The following ITCH variants were observed in gnomAD, a reference collection of about 807,000 sequenced individuals.
The protein encoded by ITCH is itchy E3 ubiquitin protein ligase, also known as E3 ubiquitin-protein ligase Itchy homolog.
In ITCH, 28 loss-of-function variants were observed where a neutral mutation model predicts 126.8. That is an observed-to-expected ratio of 0.22 (90% CI 0.16 to 0.30). ITCH has a LOEUF of 0.30. Ranked by LOEUF, ITCH falls within the 10% of genes least tolerant of loss-of-function variation. The pLI, the probability that ITCH is intolerant of heterozygous loss-of-function variation, is 1.00. For missense variants in ITCH, 631 were observed against 1,032.4 expected, an observed-to-expected ratio of 0.61 and a Z score of 5.33; for synonymous variants, 342 against 340.0, an observed-to-expected ratio of 1.01 and a Z score of -0.06.
At chr20:34,442,002 A>G in intron 9 of ITCH, 1 of 589,626 alleles carries the variant, frequency 1.7e-6, no homozygotes, top group South Asian at 1.9e-5. Flanking sequence ...ATACTTGCAT[A>G]GAAGAAATTG....
At chr20:34,374,463 TCTGC>T (rs2037758902) in intron 2 of ITCH, among the ~76,000 whole-genome samples, 1 of 152,204 alleles carries the variant, frequency 6.6e-6, no homozygotes, top group Non-Finnish European at 1.5e-5. Flanking sequence ...ATTATGTGTT[TCTGC>T]TTGAACAAGA....
chr20:34,482,910 C>G (rs1015606342), intron 20 of ITCH, among the ~76,000 whole-genome samples: 1 of 152,166 alleles, frequency 6.6e-6, no homozygotes, highest in African/African-American at 2.4e-5. Flanking sequence ...CTTCTGAAAT[C>G]TAGAGGGAGG....
rs1978680779 is a variant in ITCH at position 34,510,530 on chromosome 20, T to C, written c.*2736T>C. ...ATGAGCAATTGCCTTATTGTTCTGC[T>C]CTTTTGCAGGGGGTGGGGGTTGGGG... On this transcript the variant is annotated 3_prime_UTR_variant, in exon 25 of 25. Coordinates refer to ENST00000374864, the MANE Select transcript of ITCH (RefSeq NM_031483.7). 6.7e-6 allele frequency: 1 copy of C among 148,936 alleles called. No individual in the cohort carries two copies. The highest frequency in any genetic ancestry group is 2.0e-4 in the East Asian group (1 of 5,000). The allele number at this position is 148,936 out of a possible 1,614,324, so 9.2% of individuals were successfully genotyped here.
intron 6 of ITCH, among the ~76,000 whole-genome samples, chr20:34,415,171 T>G (rs1336628266): frequency 6.6e-6 from 1 of 152,244 alleles, no homozygotes; most frequent in Non-Finnish European, 1.5e-5. Flanking sequence ...ACTTAGGAAC[T>G]GCATTATGAA....
intron 2 of ITCH, among the ~76,000 whole-genome samples, chr20:34,385,105 C>G (rs1438495132): frequency 2.6e-5 from 4 of 151,570 alleles, no homozygotes; most frequent in Non-Finnish European, 5.9e-5. Context: ...ACCTCTGCCT[C>G]TGAGATTCAA....
chr20:34,384,276 A>G (rs2038185337), intron 2 of ITCH: 1 of 85,274 alleles, frequency 1.2e-5, no homozygotes, highest in African/African-American at 4.6e-5. Flanking sequence ...GAGGCCTGTA[A>G]TTCTTTTTTT....
At chr20:34,468,748 G>A (rs780957868) in intron 14 of ITCH, among the ~76,000 whole-genome samples, 5 of 150,506 alleles carry the variant, frequency 3.3e-5, no homozygotes, top group Admixed American at 6.6e-5. Context: ...CAGAGATTGC[G>A]CCACTGCACT....
chr20:34,398,184 T>G (rs2038743180), intron 3 of ITCH, among the ~76,000 whole-genome samples: 1 of 151,958 alleles, frequency 6.6e-6, no homozygotes, highest in Non-Finnish European at 1.5e-5. Flanking sequence ...CACCTCAGCC[T>G]CCTGAGTAGC....
intron 12 of ITCH, among the ~76,000 whole-genome samples, chr20:34,449,861 A>G (rs1268508692): frequency 1.3e-5 from 2 of 152,182 alleles, no homozygotes; most frequent in East Asian, 3.8e-4. Context: ...CAATTCATAT[A>G]ACATTCTCAA....
intron 23 of ITCH, among the ~76,000 whole-genome samples, chr20:34,499,276 T>C (rs1990095620): frequency 8.3e-6 from 1 of 120,096 alleles, no homozygotes; most frequent in African/African-American, 3.5e-5. Flanking sequence ...GCCCAGCTTT[T>C]TTTTTTTTTT....
chr20:34,454,396 C>T (rs1233724886), intron 12 of ITCH: 1 of 152,090 alleles, frequency 6.6e-6, no homozygotes, highest in East Asian at 1.9e-4. Context: ...CTCGGCCTCC[C>T]AAAGTGCTGG....
chr20:34,382,583 T>C (rs536885313), intron 2 of ITCH, among the ~76,000 whole-genome samples: 12 of 152,038 alleles, frequency 7.9e-5, no homozygotes, highest in African/African-American at 2.9e-4. Context: ...TTTTTTTGTA[T>C]TTTTAGTAGA....
chr20:34,380,475 C>A (rs189537286), intron 2 of ITCH, among the ~76,000 whole-genome samples: 3 of 152,034 alleles, frequency 2.0e-5, no homozygotes, highest in Non-Finnish European at 4.4e-5. Flanking sequence ...ATCCACTTTG[C>A]TTGGGTTGTT....
At chr20:34,429,785 T>C (rs544719626) in intron 7 of ITCH, among the ~76,000 whole-genome samples, 45 of 147,948 alleles carry the variant, frequency 3.0e-4, no homozygotes, top group African/African-American at 1.0e-3. Flanking sequence ...TATTAGAAAA[T>C]AATACGATTG....
At chr20:34,474,832 G>T (rs976204812) in intron 16 of ITCH, among the ~76,000 whole-genome samples, 17 of 152,000 alleles carry the variant, frequency 1.1e-4, no homozygotes, top group African/African-American at 4.1e-4. Context: ...GGTGGCTGCC[G>T]GGTGGAGACG....
intron 3 of ITCH, among the ~76,000 whole-genome samples, chr20:34,396,155 T>C (rs887525319): frequency 3.3e-4 from 50 of 151,950 alleles, no homozygotes; most frequent in Non-Finnish European, 7.2e-4. Context: ...TGCCTCAGTC[T>C]TCTGAGTAGC....
intron 9 of ITCH, chr20:34,441,950 G>A (rs1048248462): frequency 2.0e-5 from 9 of 453,384 alleles, no homozygotes; most frequent in African/African-American, 8.0e-5. Flanking sequence ...CTAGGTAGAC[G>A]GACCTCAAGC....
chr20:34,434,965 T>C (rs1437892430), intron 7 of ITCH, among the ~76,000 whole-genome samples: 1 of 152,144 alleles, frequency 6.6e-6, no homozygotes. Flanking sequence ...TTTTTCTATC[T>C]TTTGCCTAGG....
chr20:34,393,743 T>G (rs983127085), intron 2 of ITCH, 48 bp from the exon 3 acceptor site: 66 of 1,120,320 alleles, frequency 5.9e-5, no homozygotes, highest in Non-Finnish European at 8.4e-5. Flanking sequence ...TATATATGTT[T>G]TTAATGGGAA....
Sources: gnomAD v4.1 joint callset for allele counts (sites outside exome capture counted in the v4.1 genomes callset) on GRCh38, gnomAD v4.1.1 for gene constraint, MANE v1.5 for transcripts, NCBI Gene and HGNC (gene_info 2026-07-23, HGNC 2026-07-21) for gene names.